MYO1E: variants seen among roughly 807,000 people sequenced by gnomAD.
MYO1E encodes unconventional myosin-Ie.
MYO1E carries 68 observed loss-of-function variants against 151.1 expected under a neutral mutation model. The observed-to-expected ratio is 0.45, with a 90% CI of 0.37 to 0.55. The LOEUF (loss-of-function observed/expected upper bound fraction) is 0.55. MYO1E is among the 20% of genes least tolerant of loss of function. The probability of loss-of-function intolerance (pLI) is 0.00; values close to 1 mark genes in which losing one functional copy is unlikely to be tolerated. For missense variants in MYO1E, 1,363 were observed against 1,389.3 expected, an observed-to-expected ratio of 0.98 and a Z score of 0.30; for synonymous variants, 601 against 501.7, an observed-to-expected ratio of 1.20 and a Z score of -2.64.
At chr15:59,357,240 A>G (rs1314768537) in intron 1 of MYO1E, among the ~76,000 whole-genome samples, 1 of 151,880 alleles carries the variant, frequency 6.6e-6, no homozygotes, top group South Asian at 2.1e-4. Context: ...TCATATACTC[A>G]AGTATTGGAA....
intron 1 of MYO1E, among the ~76,000 whole-genome samples, chr15:59,306,217 G>GA (rs1219001978): frequency 6.6e-5 from 10 of 151,954 alleles, no homozygotes; most frequent in Non-Finnish European, 1.5e-4. Context: ...CAAAATAAGG[G>GA]AAAAAATCTG....
intron 1 of MYO1E, among the ~76,000 whole-genome samples, chr15:59,291,841 C>T (rs1383279325): frequency 2.0e-5 from 3 of 151,424 alleles, no homozygotes; most frequent in Non-Finnish European, 4.4e-5. Context: ...ATAAAACAAC[C>T]CTAGGGATCT....
intron 17 of MYO1E, among the ~76,000 whole-genome samples, chr15:59,194,498 G>C (rs1328762706): frequency 2.0e-5 from 3 of 152,306 alleles, no homozygotes; most frequent in East Asian, 1.9e-4. Flanking sequence ...CGGCAGCTAG[G>C]AATTTTAGTC....
At chr15:59,354,393 C>T (rs1304842524) in intron 1 of MYO1E, among the ~76,000 whole-genome samples, 1 of 152,164 alleles carries the variant, frequency 6.6e-6, no homozygotes, top group East Asian at 1.9e-4. Flanking sequence ...GTCCGTATCA[C>T]CTAACAAGGA....
intron 1 of MYO1E, among the ~76,000 whole-genome samples, chr15:59,327,186 C>G (rs918046363): frequency 1.3e-5 from 2 of 152,208 alleles, no homozygotes; most frequent in Non-Finnish European, 2.9e-5. Flanking sequence ...AATCCTCCAC[C>G]TTGTGTGGAC....
At chr15:59,233,195 T>A (rs1236050661) in intron 5 of MYO1E, among the ~76,000 whole-genome samples, 1 of 152,210 alleles carries the variant, frequency 6.6e-6, no homozygotes, top group Admixed American at 6.5e-5. Flanking sequence ...AGCCAGAATC[T>A]TCTTCTATCT....
At chr15:59,362,034 G>C (rs973520058) in intron 1 of MYO1E, among the ~76,000 whole-genome samples, 1 of 151,840 alleles carries the variant, frequency 6.6e-6, no homozygotes, top group East Asian at 1.9e-4. Context: ...ATGGGGTTTC[G>C]CTATGTTGGC....
At chr15:59,142,698 C>G (rs1316598447) in intron 26 of MYO1E, among the ~76,000 whole-genome samples, 1 of 152,136 alleles carries the variant, frequency 6.6e-6, no homozygotes, top group Non-Finnish European at 1.5e-5. Flanking sequence ...TGCTCACACC[C>G]CAGCCTTACT....
intron 1 of MYO1E, among the ~76,000 whole-genome samples, chr15:59,305,868 C>G (rs1178207936): frequency 1.3e-5 from 2 of 152,142 alleles, no homozygotes; most frequent in Non-Finnish European, 2.9e-5. Flanking sequence ...ATTAGGAGGT[C>G]TTGATCAGAG....
At chr15:59,341,039 AAAAAGAAAAAAAG>A (rs1417473184) in intron 1 of MYO1E, among the ~76,000 whole-genome samples, 4 of 151,738 alleles carry the variant, frequency 2.6e-5, no homozygotes, top group African/African-American at 9.7e-5. Context: ...AAAAAAGAAA[AAAAAGAAAAAAAG>A]AAAAATCTTC....
intron 1 of MYO1E, among the ~76,000 whole-genome samples, chr15:59,285,184 G>A (rs557477784): frequency 2.6e-5 from 4 of 152,188 alleles, no homozygotes; most frequent in South Asian, 2.1e-4. Context: ...ACATGCCTCT[G>A]TGCCTTGGGC....
chr15:59,146,270 T>C (rs1306631172), intron 26 of MYO1E, among the ~76,000 whole-genome samples: 1 of 152,118 alleles, frequency 6.6e-6, no homozygotes, highest in Non-Finnish European at 1.5e-5. Flanking sequence ...GAATTGAAAA[T>C]CGTGTTATAA....
At chr15:59,366,968 T>G (rs1197955349) in intron 1 of MYO1E, among the ~76,000 whole-genome samples, 1 of 134,398 alleles carries the variant, frequency 7.4e-6, no homozygotes, top group Non-Finnish European at 1.5e-5. Flanking sequence ...AATCACAGAT[T>G]GGTAAAAACA....
intron 1 of MYO1E, among the ~76,000 whole-genome samples, chr15:59,355,872 T>C (rs561480541): frequency 3.9e-5 from 6 of 152,156 alleles, no homozygotes; most frequent in South Asian, 2.1e-4. Flanking sequence ...CACACCACGA[T>C]GTCTGGCTAA....
rs1216054867 is a variant in MYO1E, at chr15:59,133,833, C to A, written c.*3547G>T. 6.6e-6 allele frequency: 1 copy of A among 152,256 alleles called. No homozygotes were observed. The highest frequency in any genetic ancestry group is 1.5e-5 in the Non-Finnish European group (1 of 68,094). The allele number at this position is 152,256 out of a possible 1,614,324, so 9.4% of individuals were successfully genotyped here. The stretch of plus-strand genomic sequence containing the variant: ...AAAGAAATGGTAGCAACTAGAGGCA[C>A]AGGCTGACTTGGTGTGACCAGCTCC... On this transcript the variant is annotated 3_prime_UTR_variant, in exon 28 of 28. Coordinates refer to ENST00000288235, the MANE Select transcript of MYO1E (RefSeq NM_004998.4).
intron 1 of MYO1E, among the ~76,000 whole-genome samples, chr15:59,365,616 A>G (rs1221795477): frequency 6.6e-6 from 1 of 152,196 alleles, no homozygotes; most frequent in Non-Finnish European, 1.5e-5. Flanking sequence ...TGGATTTAGG[A>G]TAGAATTTTT....
In MYO1E at chr15:59,328,403, T is replaced by C. The variant is rs186200642; in HGVS notation, c.3+44095A>G. Among the ~76,000 whole-genome samples the C allele has an allele frequency of 1.3e-3, 204 of 152,020 alleles. 3 individuals are homozygous for C. The highest frequency in any genetic ancestry group is 9.7e-3 in the Admixed American group (148 of 15,290). Reference sequence around the variant, plus strand: ...AACCCACCTTCATTGGGGTGGCAAATTGACCAGACAATGAACTTTCTGGCC... The same window carrying C: ...AACCCACCTTCATTGGGGTGGCAAACTGACCAGACAATGAACTTTCTGGCC... On this transcript the variant is annotated intron_variant, in intron 1 of 27. Transcript: ENST00000288235.
chr15:59,162,638 G>A (rs562788000), intron 23 of MYO1E, among the ~76,000 whole-genome samples: 31 of 136,756 alleles, frequency 2.3e-4, no homozygotes, highest in African/African-American at 7.2e-4. Flanking sequence ...AGAACGAGAC[G>A]CCATCTCAAG....
chr15:59,257,302 C>A (rs2080199235), intron 3 of MYO1E, among the ~76,000 whole-genome samples: 1 of 152,184 alleles, frequency 6.6e-6, no homozygotes, highest in Non-Finnish European at 1.5e-5. Flanking sequence ...AGTCTCCACA[C>A]ACACACACAA....
Sources: gnomAD v4.1 joint callset for allele counts (sites outside exome capture counted in the v4.1 genomes callset) on GRCh38, gnomAD v4.1.1 for gene constraint, MANE v1.5 for transcripts, NCBI Gene and HGNC (gene_info 2026-07-23, HGNC 2026-07-21) for gene names.